RFX8: variants seen among roughly 807,000 people sequenced by gnomAD.
The protein encoded by RFX8 is regulatory factor X8.
Under a neutral mutation model 54.6 loss-of-function variants are expected in RFX8, and 46 were observed. The observed-to-expected ratio is 0.84, with a 90% CI of 0.67 to 1.08. The LOEUF (loss-of-function observed/expected upper bound fraction) is 1.08, where lower values mean the gene tolerates loss of function less well. Among genes scored for constraint, RFX8 ranks in the 50% least tolerant of loss-of-function variants. The pLI is 0.00. For missense variants in RFX8, 536 were observed against 562.3 expected (o/e 0.95, Z 0.47); for synonymous variants, 192 against 209.5 (o/e 0.92, Z 0.72).
intron 2 of RFX8, among the ~76,000 whole-genome samples, chr2:101,455,020 C>CTTTTTTCTTTTT (rs1688891264): frequency 7.0e-6 from 1 of 142,328 alleles, no homozygotes; most frequent in South Asian, 2.2e-4. Context: ...TTTCTTTTTT[C>CTTTTTTCTTTTT]TTTTTTTTTT....
At chr2:101,474,002 G>A (rs887705426) in intron 1 of RFX8, among the ~76,000 whole-genome samples, 4 of 152,172 alleles carry the variant, frequency 2.6e-5, no homozygotes, top group Non-Finnish European at 5.9e-5. Context: ...GCCGATTCGG[G>A]CCCGGGGCTT....
chr2:101,444,000 G>T (rs901068189), intron 2 of RFX8, among the ~76,000 whole-genome samples: 1 of 152,106 alleles, frequency 6.6e-6, no homozygotes, highest in Admixed American at 6.5e-5. Context: ...GTATGTGTAT[G>T]TAGCGTCACT....
intron 2 of RFX8, among the ~76,000 whole-genome samples, chr2:101,443,385 G>A (rs1573442478): frequency 6.6e-6 from 1 of 152,290 alleles, no homozygotes; most frequent in South Asian, 2.1e-4. Flanking sequence ...ATATTTTGAA[G>A]TATTAGGCAC....
intron 1 of RFX8, among the ~76,000 whole-genome samples, chr2:101,468,109 G>A (rs1264301660): frequency 2.0e-5 from 3 of 151,998 alleles, no homozygotes; most frequent in East Asian, 1.9e-4. Context: ...TAACCCCACC[G>A]GCTTCCCAGA....
intron 2 of RFX8, among the ~76,000 whole-genome samples, chr2:101,428,248 A>AAAC: frequency 6.6e-6 from 1 of 152,226 alleles, no homozygotes; most frequent in African/African-American, 2.4e-5. Context: ...TTCCATCTCA[A>AAAC]AACAACAACA....
At chr2:101,413,567 G>T (rs1686294219) in intron 7 of RFX8, among the ~76,000 whole-genome samples, 2 of 152,152 alleles carry the variant, frequency 1.3e-5, no homozygotes, top group Non-Finnish European at 2.9e-5. Flanking sequence ...CGACTGCCTG[G>T]GATGCACCTG....
At chr2:101,456,673 C>A (rs1035467201) in intron 2 of RFX8, among the ~76,000 whole-genome samples, 15 of 151,176 alleles carry the variant, frequency 9.9e-5, no homozygotes, top group Non-Finnish European at 1.6e-4. Context: ...CTAAAATTCT[C>A]TTTTTTTTTG....
At chr2:101,414,008 A>G (rs1285137425) in intron 7 of RFX8, among the ~76,000 whole-genome samples, 1 of 152,190 alleles carries the variant, frequency 6.6e-6, no homozygotes, top group Admixed American at 6.5e-5. Context: ...AGGACTTGAG[A>G]GAGGACTCCT....
intron 2 of RFX8, among the ~76,000 whole-genome samples, chr2:101,424,508 C>A (rs1687061679): frequency 6.6e-6 from 1 of 152,176 alleles, no homozygotes; most frequent in Admixed American, 6.5e-5. Context: ...CCAGTGATCC[C>A]ATTACTGGGT....
intron 4 of RFX8, among the ~76,000 whole-genome samples, chr2:101,420,735 A>G (rs1396542913): frequency 6.6e-6 from 1 of 152,102 alleles, no homozygotes; most frequent in African/African-American, 2.4e-5. Context: ...TAGAGTCAGC[A>G]GCAACGTGGC....
intron 2 of RFX8, among the ~76,000 whole-genome samples, chr2:101,434,500 C>T (rs1687662353): frequency 6.6e-6 from 1 of 151,166 alleles, no homozygotes; most frequent in Non-Finnish European, 1.5e-5. Flanking sequence ...AGGCAAAACT[C>T]AGCCACTGGG....
intron 2 of RFX8, among the ~76,000 whole-genome samples, chr2:101,459,917 T>C (rs1181332404): frequency 2.0e-5 from 3 of 152,198 alleles, no homozygotes; most frequent in African/African-American, 7.2e-5. Flanking sequence ...AGCTACTTTG[T>C]TTACGTACTC....
At chr2:101,417,104 G>A in intron 6 of RFX8, among the ~76,000 whole-genome samples, 1 of 152,192 alleles carries the variant, frequency 6.6e-6, no homozygotes, top group Admixed American at 6.5e-5. Flanking sequence ...GAGCAGGCTG[G>A]GCCTTCCGGA....
At chr2:101,469,108 GTGTA>G (rs1347484711) in intron 1 of RFX8, among the ~76,000 whole-genome samples, 9 of 16,690 alleles carry the variant, frequency 5.4e-4, no homozygotes, top group African/African-American at 1.1e-3. Context: ...ATATATATAA[GTGTA>G]TATATATATA....
intron 11 of RFX8, among the ~76,000 whole-genome samples, chr2:101,401,354 G>C (rs1468541296): frequency 6.6e-6 from 1 of 152,120 alleles, no homozygotes; most frequent in African/African-American, 2.4e-5. Flanking sequence ...TGCAATCGGA[G>C]AACTCGCAAT....
chr2:101,429,287 G>T (rs577374214), intron 2 of RFX8, among the ~76,000 whole-genome samples: 4 of 152,084 alleles, frequency 2.6e-5, no homozygotes, highest in African/African-American at 9.7e-5. Flanking sequence ...GGTAGAATTC[G>T]CTCCTGTGGG....
intron 2 of RFX8, among the ~76,000 whole-genome samples, chr2:101,463,025 G>A (rs1333832335): frequency 6.6e-6 from 1 of 152,180 alleles, no homozygotes; most frequent in Non-Finnish European, 1.5e-5. Context: ...GAAGAAGAAA[G>A]TCTTCTGAAG....
intron 2 of RFX8, among the ~76,000 whole-genome samples, chr2:101,450,947 G>T (rs1384894916): frequency 6.6e-6 from 1 of 152,136 alleles, no homozygotes; most frequent in Non-Finnish European, 1.5e-5. Flanking sequence ...TAATCTTAGA[G>T]AGATGTGATA....
At chr2:101,449,723 G>A (rs546569738) in intron 2 of RFX8, among the ~76,000 whole-genome samples, 1 of 152,114 alleles carries the variant, frequency 6.6e-6, no homozygotes, top group Non-Finnish European at 1.5e-5. Flanking sequence ...CAGTGAGAAG[G>A]ATTCAGGAGT....
Sources: allele counts gnomAD v4.1 joint callset (sites outside exome capture counted in the v4.1 genomes callset), GRCh38; gene constraint gnomAD v4.1.1; transcripts MANE v1.5; gene names NCBI Gene and HGNC (gene_info 2026-07-23, HGNC 2026-07-21).